The following CSTF3 variants were observed in gnomAD, a reference collection of about 807,000 sequenced individuals.
CSTF3 encodes the protein cleavage stimulation factor subunit 3.
A neutral mutation model predicts 105.8 loss-of-function variants in CSTF3; 29 were observed. That is an observed-to-expected ratio of 0.27 (90% CI 0.20 to 0.37). The LOEUF (loss-of-function observed/expected upper bound fraction) is 0.37, where lower values mean the gene tolerates loss of function less well. Among genes scored for constraint, CSTF3 ranks in the 10% least tolerant of loss-of-function variants. The probability of loss-of-function intolerance (pLI) is 1.00; values close to 1 mark genes in which losing one functional copy is unlikely to be tolerated. For synonymous variants in CSTF3, 252 were observed against 281.9 expected (o/e 0.89, Z 1.06); for missense variants, 357 against 879.3 (o/e 0.41, Z 7.51).
intron 1 of CSTF3, among the ~76,000 whole-genome samples, chr11:33,145,848 C>T (rs1855775260): frequency 6.6e-6 from 1 of 151,754 alleles, no homozygotes; most frequent in Admixed American, 6.6e-5. Context: ...CAAATATAAA[C>T]CAGAAAACAA....
chr11:33,125,564 T>C (rs1449853243), intron 3 of CSTF3, among the ~76,000 whole-genome samples: 2 of 152,180 alleles, frequency 1.3e-5, no homozygotes, highest in East Asian at 3.8e-4. Flanking sequence ...ATCTCAGGAT[T>C]CCCCCATTCT....
intron 3 of CSTF3, among the ~76,000 whole-genome samples, chr11:33,140,231 C>A (rs1267974569): frequency 6.6e-6 from 1 of 151,942 alleles, no homozygotes; most frequent in Non-Finnish European, 1.5e-5. Flanking sequence ...CAAAGCAGCA[C>A]GGGCTTCAGC....
intron 13 of CSTF3, among the ~76,000 whole-genome samples, chr11:33,097,991 A>G (rs1315844966): frequency 6.6e-6 from 1 of 152,220 alleles, no homozygotes; most frequent in Non-Finnish European, 1.5e-5. Context: ...CACAATGCAT[A>G]GACTCTAGCA....
rs189330844 is a variant in CSTF3 at position 33,087,577 on chromosome 11, A to G, written c.1642-436T>C. 4.5e-3 allele frequency among the ~76,000 whole-genome samples: 683 copies of G among 152,378 alleles called. 1 individual carries two copies. Among genetic ancestry groups the G allele is most frequent in the Non-Finnish European group, 7.6e-3 (520 of 68,042 alleles). On this transcript the variant is annotated intron_variant, in intron 17 of 20. Coordinates refer to ENST00000323959, the MANE Select transcript of CSTF3 (RefSeq NM_001326.3). ...AAGTGACTTCCTGTTTTGTGAAGGC[A>G]TCACACCGGTTAAGATTTTGCTAAT...
chr11:33,132,555 T>C (rs1855610161), intron 3 of CSTF3, among the ~76,000 whole-genome samples: 1 of 152,208 alleles, frequency 6.6e-6, no homozygotes, highest in Non-Finnish European at 1.5e-5. Context: ...CAAAGTTATT[T>C]TGACTTGGAA....
intron 17 of CSTF3, among the ~76,000 whole-genome samples, chr11:33,087,941 T>G (rs1047154167): frequency 4.6e-5 from 7 of 152,164 alleles, no homozygotes; most frequent in African/African-American, 1.2e-4. Flanking sequence ...AGGCCCTATC[T>G]CAGAGGAGCT....
At chr11:33,104,210 C>T (rs1855305821) in intron 8 of CSTF3, among the ~76,000 whole-genome samples, 1 of 152,188 alleles carries the variant, frequency 6.6e-6, no homozygotes, top group Non-Finnish European at 1.5e-5. Flanking sequence ...AACATTACCA[C>T]TCAGTGAGTA....
chr11:33,104,441 A>G (rs1855308993), intron 8 of CSTF3, among the ~76,000 whole-genome samples: 1 of 152,170 alleles, frequency 6.6e-6, no homozygotes, highest in East Asian at 1.9e-4. Flanking sequence ...AAACAATGCC[A>G]CTCTTCTCAC....
chr11:33,147,987 T>C (rs1174022792), intron 1 of CSTF3, among the ~76,000 whole-genome samples: 2 of 152,324 alleles, frequency 1.3e-5, no homozygotes, highest in South Asian at 4.1e-4. Context: ...TTTACTGCTA[T>C]AATTGTTTTT....
intron 17 of CSTF3, among the ~76,000 whole-genome samples, chr11:33,088,155 A>C (rs1042583688): frequency 6.6e-6 from 1 of 152,200 alleles, no homozygotes; most frequent in Non-Finnish European, 1.5e-5. Context: ...TCACAGATAC[A>C]TACATACCAT....
At chr11:33,143,338 A>G (rs1855737169) in intron 1 of CSTF3, among the ~76,000 whole-genome samples, 3 of 152,214 alleles carry the variant, frequency 2.0e-5, no homozygotes, top group African/African-American at 7.2e-5. Context: ...TTTTTGAAAA[A>G]AATGCCTAAA....
chr11:33,158,377 A>G (rs1037844184), intron 1 of CSTF3, among the ~76,000 whole-genome samples: 1 of 152,168 alleles, frequency 6.6e-6, no homozygotes, highest in Non-Finnish European at 1.5e-5. Flanking sequence ...ATCCATAGCG[A>G]TACTTAATCT....
At chr11:33,098,235 G>C (rs767499578) in intron 13 of CSTF3, among the ~76,000 whole-genome samples, 1 of 152,076 alleles carries the variant, frequency 6.6e-6, no homozygotes, top group Non-Finnish European at 1.5e-5. Context: ...GATAGAGCAG[G>C]ATTTAGCATA....
Position 33,159,294 on chromosome 11 carries a change from CA to C in CSTF3, c.27+2004del, listed in dbSNP as rs1222643248. On this transcript the variant is annotated intron_variant, in intron 1 of 20. Transcript: ENST00000323959. ...GCAACATGGTGAATTCCTGTCTCTA[CA>C]AAAAAAATACAAAAATTAGGCCAGG... 2.0e-5 allele frequency among the ~76,000 whole-genome samples: 3 copies of C among 151,292 alleles called. No individual in the cohort carries two copies. In the East Asian group the frequency reaches 5.8e-4, roughly 29 times the overall value.
chr11:33,102,403 G>C lies in CSTF3; in HGVS notation c.664-64C>G, dbSNP rs962887380. On this transcript the variant is annotated intron_variant, in intron 9 of 20. Coordinates refer to ENST00000323959, the MANE Select transcript of CSTF3 (RefSeq NM_001326.3). ...AACAACTGAGATATATGGCGGATGG[G>C]GTAGATCAGTTTGGAAGACTGTTCA... is the stretch of plus-strand genomic sequence containing the variant. 3.3e-6 allele frequency: 5 copies of C among 1,514,328 alleles called. No homozygotes were observed. The African/African-American group carries it at 5.5e-5, about 17-fold the overall frequency. 93.8% of individuals were successfully genotyped at this position (1,514,328 alleles called of 1,614,324 possible).
chr11:33,090,479 T>C lies in CSTF3; in HGVS notation c.1641+53A>G, dbSNP rs569062276. ...AGAGTGCAGGTTATCAATGAACTCT[T>C]CTAAAACACTGGAAAAGTGAGGACA... On this transcript the variant is annotated intron_variant, in intron 17 of 20. Transcript: ENST00000323959. 2.6e-6 allele frequency: 3 copies of C among 1,150,214 alleles called. No individual in the cohort carries two copies. The African/African-American group carries it at 4.7e-5, about 18-fold the overall frequency. The allele number at this position is 1,150,214 out of a possible 1,614,324, so 71.3% of individuals were successfully genotyped here.
chr11:33,158,742 T>C (rs575376732), intron 1 of CSTF3, among the ~76,000 whole-genome samples: 1 of 152,272 alleles, frequency 6.6e-6, no homozygotes, highest in South Asian at 2.1e-4. Flanking sequence ...ATATCAAGGC[T>C]GAGTATAGAC....
chr11:33,091,174 A>G (rs1258766982), intron 16 of CSTF3, among the ~76,000 whole-genome samples: 2 of 152,228 alleles, frequency 1.3e-5, no homozygotes, highest in East Asian at 3.8e-4. Flanking sequence ...ATTATAATGT[A>G]GAATACATTC....
intron 10 of CSTF3, among the ~76,000 whole-genome samples, chr11:33,101,620 C>A (rs1855281802): frequency 6.6e-6 from 1 of 152,166 alleles, no homozygotes; most frequent in East Asian, 1.9e-4. Context: ...ATAAAACATT[C>A]TTCAGAGGAA....
Sources: gnomAD v4.1 joint callset for allele counts (sites outside exome capture counted in the v4.1 genomes callset) on GRCh38, gnomAD v4.1.1 for gene constraint, MANE v1.5 for transcripts, NCBI Gene and HGNC (gene_info 2026-07-23, HGNC 2026-07-21) for gene names.